Variants in LRRC3 observed in about 807,000 individuals in gnomAD.
LRRC3 encodes leucine-rich repeat-containing protein 3.
For missense variants in LRRC3, 351 were observed against 361.6 expected, an observed-to-expected ratio of 0.97 and a Z score of 0.24; for synonymous variants, 172 against 164.1, an observed-to-expected ratio of 1.05 and a Z score of -0.37.
In LRRC3 at chr21:44,457,793, G is replaced by C. The variant is rs2051718579; in HGVS notation, c.*375G>C. On this transcript the variant is annotated 3_prime_UTR_variant, in exon 2 of 2. Transcript: ENST00000291592. ...TAAGGGGGTGCTCTGCAAGCGAGAGGGTTCACCAGAGGGAGCTTGGGTGCA... is the reference window on the plus strand; with the variant it reads ...TAAGGGGGTGCTCTGCAAGCGAGAGCGTTCACCAGAGGGAGCTTGGGTGCA... The C allele has an allele frequency of 4.0e-6, 1 of 249,444 alleles. No individual in the cohort carries two copies. Among genetic ancestry groups the C allele is most frequent in the South Asian group, 8.4e-5 (1 of 11,894 alleles). The allele number at this position is 249,444 out of a possible 1,614,324, so 15.5% of individuals were successfully genotyped here. A position where few individuals can be genotyped will look rare whatever the true frequency, so the allele number is the denominator to read the frequency against.
In LRRC3 at chr21:44,457,140, TC is replaced by T; in HGVS notation, c.497del (p.Ser166LeufsTer53). The T allele has an allele frequency of 6.2e-7, 1 of 1,613,058 alleles. No homozygotes were observed. The highest frequency in any genetic ancestry group is 8.5e-7 in the Non-Finnish European group (1 of 1,180,022). ...GTGGGAGCTGAAGCTGGACCCCGAC[TC>T]TGTGGACGAGATCGCCTGCCACACC... ...ALWELKLDPDSVDEIACHTSV... is the reference protein window; with the variant it reads ...ALWELKLDPDXVDEIACHTSV... On this transcript the variant is annotated frameshift_variant, in exon 2 of 2. Coordinates refer to ENST00000291592, the MANE Select transcript of LRRC3 (RefSeq NM_030891.6). LOFTEE classifies it low-confidence loss of function (END_TRUNC).
Position 44,457,540 on chromosome 21 carries a change from C to T in LRRC3, c.*122C>T. ...GCCATGTGTGCTCCCCACTGTTGCA[C>T]TCAGGCACAGCAGCACCTCCAGGCT... On this transcript the variant is annotated 3_prime_UTR_variant, in exon 2 of 2. Coordinates refer to ENST00000291592, the MANE Select transcript of LRRC3 (RefSeq NM_030891.6). 8.7e-7 allele frequency: 1 copy of T among 1,147,418 alleles called. No individual in the cohort carries two copies. Among genetic ancestry groups the T allele is most frequent in the Non-Finnish European group, 1.2e-6 (1 of 823,144 alleles). 71.1% of individuals were successfully genotyped at this position (1,147,418 alleles called of 1,614,324 possible).
intron 1 of LRRC3, 113 bp from the exon 2 acceptor site, chr21:44,456,385 C>T: frequency 1.9e-6 from 1 of 533,236 alleles, no homozygotes; most frequent in Non-Finnish European, 3.3e-6. Flanking sequence ...CCAGACCCTT[C>T]AGTGGGCCCT....
At chr21:44,455,984 T>A (rs1312018015) in intron 1 of LRRC3, among the ~76,000 whole-genome samples, 1 of 152,144 alleles carries the variant, frequency 6.6e-6, no homozygotes, top group Non-Finnish European at 1.5e-5. Context: ...CTTGCTGGGT[T>A]ATGACAGTTT....
In LRRC3 at chr21:44,457,849, T is replaced by C. The variant is rs138446409; in HGVS notation, c.*431T>C. On this transcript the variant is annotated 3_prime_UTR_variant, in exon 2 of 2. Transcript: ENST00000291592. ...ACCCGCTGAAGGCGCTGATAAGTCC[T>C]GTGCTGAGGAGCTGACTTGCCCTTG... 2.7e-3 allele frequency: 531 copies of C among 195,998 alleles called. 1 individual carries two copies. The highest frequency in any genetic ancestry group is 0.012 in the African/African-American group (488 of 42,358). 12.1% of individuals were successfully genotyped at this position (195,998 alleles called of 1,614,324 possible).
In LRRC3 at chr21:44,456,914, C is replaced by T. The variant is rs1348022823; in HGVS notation, c.270C>T (p.Leu90=). 12 of 1,611,292 alleles carry T rather than the reference C, an allele frequency of 7.4e-6. No individual in the cohort carries two copies. In the East Asian group the frequency reaches 1.6e-4, roughly 21 times the overall value. ...GGGCCTTCCAGCACCTGCACCGGCT[C>T]AGGGAGCTGGATCTGTCTCACAACG... ...PDGAFQHLHR[L]RELDLSHNAI... The change falls in exon 2 of 2, where the codon CTC becomes CTT. Residue 90 remains leucine, a synonymous_variant. Coordinates refer to ENST00000291592, the MANE Select transcript of LRRC3 (RefSeq NM_030891.6).
At chr21:44,456,457 C>T (rs947779188) in intron 1 of LRRC3, 41 bp from the exon 2 acceptor site, 8 of 641,268 alleles carry the variant, frequency 1.2e-5, no homozygotes, top group African/African-American at 9.2e-5. Context: ...TGCTGACCAC[C>T]CTCCCTCCCT....
chr21:44,457,621 C>T lies in LRRC3; in HGVS notation c.*203C>T, dbSNP rs747898726. 4.0e-5 allele frequency: 24 copies of T among 596,676 alleles called. No homozygotes were observed. The highest frequency in any genetic ancestry group is 2.7e-4 in the East Asian group (9 of 33,542). The allele number at this position is 596,676 out of a possible 1,614,324, so 37.0% of individuals were successfully genotyped here. Reference sequence around the variant, plus strand: ...ATGAGGAACCTGAAGCTTAGAGGAACGGAATGACTGCCCGTGACGATACCA... The same window carrying T: ...ATGAGGAACCTGAAGCTTAGAGGAATGGAATGACTGCCCGTGACGATACCA... On this transcript the variant is annotated 3_prime_UTR_variant, in exon 2 of 2. Coordinates refer to ENST00000291592, the MANE Select transcript of LRRC3 (RefSeq NM_030891.6).
In LRRC3 at chr21:44,460,917, C is replaced by A. The variant is rs2236674; in HGVS notation, c.*3499C>A. 95,797 of 152,530 alleles carry A rather than the reference C, an allele frequency of 0.63. 30,845 individuals carry two copies. Among genetic ancestry groups the A allele is most frequent in the East Asian group, 0.81 (4,189 of 5,172 alleles). The allele number at this position is 152,530 out of a possible 1,614,324, so 9.4% of individuals were successfully genotyped here. On this transcript the variant is annotated 3_prime_UTR_variant, in exon 2 of 2. Coordinates refer to ENST00000291592, the MANE Select transcript of LRRC3 (RefSeq NM_030891.6). The stretch of plus-strand genomic sequence containing the variant: ...CCCCTGACCCAATCCTCACCCTAAC[C>A]CTGATACTAACCCTTAACCTAACCC...
At position 44,456,884 on chromosome 21, in the gene LRRC3, G is replaced by A. The variant is rs145313990; in HGVS notation, c.240G>A (p.Pro80=). 661 of 1,610,198 alleles carry A rather than the reference G, an allele frequency of 4.1e-4. 3 individuals are homozygous for A. Among genetic ancestry groups the A allele is most frequent in the Middle Eastern group, 6.6e-4 (4 of 6,050 alleles). The part of the protein sequence containing the change: ...KLDANKISHL[P]DGAFQHLHRL... ...ATGCCAACAAGATCTCCCACCTCCC[G>A]GACGGGGCCTTCCAGCACCTGCACC... is the stretch of plus-strand genomic sequence containing the variant. Residue 80 remains proline, a synonymous_variant, in exon 2 of 2, where the codon CCG becomes CCA. Transcript: ENST00000291592.
At position 44,457,369 on chromosome 21, in the gene LRRC3, C is replaced by G. The variant is rs746104105; in HGVS notation, c.725C>G (p.Ser242Cys). The G allele has an allele frequency of 3.1e-6, 5 of 1,606,520 alleles. No homozygotes were observed. The South Asian group carries it at 5.5e-5, about 18-fold the overall frequency. Residue 242 changes from serine to cysteine, a missense_variant, in exon 2 of 2, where the codon TCT (serine) becomes TGT (cysteine). Physicochemically the swap from Ser to Cys is moderately radical, Grantham distance 112 (BLOSUM62 -1). Transcript: ENST00000291592. ...DARRHLEYLKSLPSAPASKDP... is the reference protein window; with the variant it reads ...DARRHLEYLKCLPSAPASKDP... The stretch of plus-strand genomic sequence containing the variant: ...CGGAGGCACCTGGAGTACCTGAAGT[C>G]TCTGCCCAGCGCCCCCGCCTCCAAG...
In LRRC3 at chr21:44,456,750, C is replaced by T. The variant is rs2051703990; in HGVS notation, c.106C>T (p.Pro36Ser). ...CLHLGAACPQ[P>S]CRCPDHAGAV... ...GCACCTGGGCGCCGCCTGCCCACAG[C>T]CCTGCCGGTGCCCTGACCACGCAGG... Residue 36 changes from proline to serine, a missense_variant, in exon 2 of 2, where the codon CCC becomes TCC. Transcript: ENST00000291592. 2 of 1,610,054 alleles carry T rather than the reference C, an allele frequency of 1.2e-6. No homozygotes were observed. Among genetic ancestry groups the T allele is most frequent in the African/African-American group, 1.3e-5 (1 of 74,934 alleles).
Position 44,456,953 on chromosome 21 carries a change from C to G in LRRC3, c.309C>G (p.Ile103Met). 1 of 1,608,804 alleles carries G rather than the reference C, an allele frequency of 6.2e-7. No individual in the cohort carries two copies. The highest frequency in any genetic ancestry group is 8.5e-7 in the Non-Finnish European group (1 of 1,179,906). The change falls in exon 2 of 2, where the codon ATC becomes ATG. Residue 103 changes from isoleucine (I) to methionine (M), a missense_variant. Transcript: ENST00000291592. ...TGTCTCACAACGCCATCGAGGCCATCGGCTCCGCCACCTTCGCGGGCCTGG... is the reference window on the plus strand; with the variant it reads ...TGTCTCACAACGCCATCGAGGCCATGGGCTCCGCCACCTTCGCGGGCCTGG... ...LDLSHNAIEA[I>M]GSATFAGLAG...
At position 44,455,625 on chromosome 21, in the gene LRRC3, C is replaced by G. The variant is rs2051692248; in HGVS notation, c.-178C>G. On this transcript the variant is annotated 5_prime_UTR_variant, in exon 1 of 2. Transcript: ENST00000291592. ...GGCTCCGAGAGGCCCGGGAGCGGCG[C>G]GCAGAGCAGCCTCCGGCCGCCGCCG... The G allele has an allele frequency of 6.6e-6, 1 of 151,600 alleles. No individual in the cohort carries two copies. Among genetic ancestry groups the G allele is most frequent in the Non-Finnish European group, 1.5e-5 (1 of 67,874 alleles). 9.4% of individuals were successfully genotyped at this position (151,600 alleles called of 1,614,324 possible).
chr21:44,457,216 C>A lies in LRRC3; in HGVS notation c.572C>A (p.Ala191Glu). ...VGKPLVQALD[A>E]GASLCSVPHR... ...AAGCCTCTGGTTCAGGCTCTGGATG[C>A]GGGTGCCAGCCTCTGCAGCGTCCCC... The change falls in exon 2 of 2, where the codon GCG becomes GAG. Residue 191 changes from alanine to glutamate, a missense_variant. By Grantham distance (107) the Ala-to-Glu change is moderately radical (BLOSUM62 -1). Transcript: ENST00000291592. 1.2e-6 allele frequency: 2 copies of A among 1,613,856 alleles called. No individual in the cohort carries two copies. The highest frequency in any genetic ancestry group is 1.7e-6 in the Non-Finnish European group (2 of 1,180,016).
rs1019163490 is a variant in LRRC3, at chr21:44,455,587, G to A, written c.-216G>A. On this transcript the variant is annotated 5_prime_UTR_variant, in exon 1 of 2. Coordinates refer to ENST00000291592, the MANE Select transcript of LRRC3 (RefSeq NM_030891.6). ...GGGTGGCCGCCGCGCCAGGCGTGGAGCTGGGTCTGGCGGGCTCCGAGAGGC... is the reference window on the plus strand; with the variant it reads ...GGGTGGCCGCCGCGCCAGGCGTGGAACTGGGTCTGGCGGGCTCCGAGAGGC... 3 of 151,678 alleles carry A rather than the reference G, an allele frequency of 2.0e-5. No individual in the cohort carries two copies. Among genetic ancestry groups the A allele is most frequent in the Non-Finnish European group, 2.9e-5 (2 of 67,894 alleles). 9.4% of individuals were successfully genotyped at this position (151,678 alleles called of 1,614,324 possible). A position where few individuals can be genotyped will look rare whatever the true frequency, so the allele number is the denominator to read the frequency against.
chr21:44,461,888 C>T lies in LRRC3; in HGVS notation c.*4470C>T, dbSNP rs1307419563. 1.3e-5 allele frequency: 2 copies of T among 152,536 alleles called. No homozygotes were observed. Among genetic ancestry groups the T allele is most frequent in the Non-Finnish European group, 2.9e-5 (2 of 68,294 alleles). The allele number at this position is 152,536 out of a possible 1,614,324, so 9.4% of individuals were successfully genotyped here. ...CATAGCACGGAGGGCGGCGCGGAGT[C>T]CTGGACGCTCTTGGCAGGTCCCCTC... On this transcript the variant is annotated 3_prime_UTR_variant, in exon 2 of 2. Transcript: ENST00000291592.
Position 44,457,343 on chromosome 21 carries a change from C to T in LRRC3, c.699C>T (p.Ala233=), listed in dbSNP as rs1410040008. ...ATGTGCGCCACAACCAGGAGGATGC[C>T]CGGAGGCACCTGGAGTACCTGAAGT... ...VYYVRHNQED[A]RRHLEYLKSL... is the part of the protein sequence containing the mutation. Residue 233 remains alanine (A), a synonymous_variant, in exon 2 of 2, where the codon GCC becomes GCT. Transcript: ENST00000291592. 1 of 1,612,248 alleles carries T rather than the reference C, an allele frequency of 6.2e-7. No individual in the cohort carries two copies. Among genetic ancestry groups the T allele is most frequent in the East Asian group, 2.2e-5 (1 of 44,826 alleles).
rs148349835 is a variant in LRRC3 at position 44,457,043 on chromosome 21, G to A, written c.399G>A (p.Leu133=). ...NRIQRIPKDA[L]GKLSAKIRLS... is the part of the protein sequence containing the mutation. ...TCCAGAGGATCCCCAAGGACGCCCT[G>A]GGCAAACTCAGCGCCAAGATACGCC... The change falls in exon 2 of 2, where the codon CTG becomes CTA. Residue 133 remains leucine (L), a synonymous_variant. Coordinates refer to ENST00000291592, the MANE Select transcript of LRRC3 (RefSeq NM_030891.6). The A allele has an allele frequency of 1.1e-4, 183 of 1,606,214 alleles. No individual in the cohort carries two copies. Among genetic ancestry groups the A allele is most frequent in the Non-Finnish European group, 1.4e-4 (164 of 1,179,220 alleles).
Sources: allele counts gnomAD v4.1 joint callset (sites outside exome capture counted in the v4.1 genomes callset), GRCh38; gene constraint gnomAD v4.1.1; transcripts MANE v1.5; gene names NCBI Gene and HGNC (gene_info 2026-07-23, HGNC 2026-07-21).